Variants in RAD50 observed in about 807,000 individuals in gnomAD.
RAD50 encodes the protein DNA repair protein RAD50.
A neutral mutation model predicts 168.8 loss-of-function variants in RAD50; 132 were observed. The observed-to-expected ratio is 0.78, with a 90% CI of 0.68 to 0.90. The LOEUF (loss-of-function observed/expected upper bound fraction) is 0.90. Ranked by LOEUF, RAD50 falls within the 40% of genes least tolerant of loss-of-function variation. The pLI is 0.00. For synonymous variants in RAD50, 525 were observed against 497.4 expected (o/e 1.06, Z -0.74); for missense variants, 1,347 against 1,534.4 (o/e 0.88, Z 2.04).
At chr5:132,617,174 A>C (rs1220118099) in intron 20 of RAD50, among the ~76,000 whole-genome samples, 1 of 152,230 alleles carries the variant, frequency 6.6e-6, no homozygotes, top group Non-Finnish European at 1.5e-5. Context: ...CTCCATGGCA[A>C]GTTGGAAAAG....
In RAD50 at chr5:132,557,390, G is replaced by A; in HGVS notation, c.66G>A (p.Lys22=). ...GTTTTGGAATAGAGGACAAAGATAA[G>A]CAAATTATCACTTTCTTCAGCCCCC... The part of the protein sequence containing the change: ...VRSFGIEDKD[K]QIITFFSPLT... The change falls in exon 1 of 25, where the codon AAG becomes AAA. Residue 22 remains lysine, a synonymous_variant. Transcript: ENST00000378823. 3 of 1,614,112 alleles carry A rather than the reference G, an allele frequency of 1.9e-6. No homozygotes were observed. The highest frequency in any genetic ancestry group is 2.5e-6 in the Non-Finnish European group (3 of 1,179,904).
In RAD50 at chr5:132,643,513, C is replaced by T; in HGVS notation, c.*1149C>T. The T allele has an allele frequency of 4.3e-6, 1 of 232,158 alleles. No homozygotes were observed. Among genetic ancestry groups the T allele is most frequent in the Non-Finnish European group, 8.6e-6 (1 of 116,584 alleles). The allele number at this position is 232,158 out of a possible 1,614,324, so 14.4% of individuals were successfully genotyped here. A position where few individuals can be genotyped will look rare whatever the true frequency, so the allele number is the denominator to read the frequency against. Reference sequence around the variant, plus strand: ...CTGTAGCTATAATGAGCATGTTTGCCTAGACAGCTTTTCTCAACTGGGTCC... The same window carrying T: ...CTGTAGCTATAATGAGCATGTTTGCTTAGACAGCTTTTCTCAACTGGGTCC... On this transcript the variant is annotated 3_prime_UTR_variant, in exon 25 of 25. Transcript: ENST00000378823.
chr5:132,610,872 G>T (rs766754500), intron 19 of RAD50, among the ~76,000 whole-genome samples: 25 of 152,240 alleles, frequency 1.6e-4, no homozygotes, highest in Admixed American at 2.6e-4. Flanking sequence ...TAAAGTGATG[G>T]TCTAAACTTA....
chr5:132,557,171 C>G lies in RAD50; in HGVS notation c.-154C>G, dbSNP rs1419980511. On this transcript the variant is annotated 5_prime_UTR_variant, in exon 1 of 25. Transcript: ENST00000378823. The stretch of plus-strand genomic sequence containing the variant: ...CCCCCTCTCTCCCGCTGTTGGCTGG[C>G]AGGATCTTTTGGCAGTCCTGTGGCC... 5 of 1,026,922 alleles carry G rather than the reference C, an allele frequency of 4.9e-6. No individual in the cohort carries two copies. The highest frequency in any genetic ancestry group is 7.4e-6 in the Non-Finnish European group (5 of 671,716). The allele number at this position is 1,026,922 out of a possible 1,614,324, so 63.6% of individuals were successfully genotyped here. A position where few individuals can be genotyped will look rare whatever the true frequency, so the allele number is the denominator to read the frequency against.
chr5:132,589,830 T>A lies in RAD50; in HGVS notation c.1445T>A (p.Ile482Lys), dbSNP rs760015752. 1 of 1,609,396 alleles carries A rather than the reference T, an allele frequency of 6.2e-7. No homozygotes were observed. Among genetic ancestry groups the A allele is most frequent in the Admixed American group, 1.7e-5 (1 of 60,010 alleles). ...ATTCTTGAACTGGACCAGGAGCTCA[T>A]AAAAGCTGTAAGATATTGTTTGAAT... Reference protein sequence around the residue: ...DRILELDQELIKAERELSKAE... With the variant: ...DRILELDQELKKAERELSKAE... Residue 482 changes from isoleucine (I) to lysine (K), a missense_variant, in exon 9 of 25, where the codon ATA becomes AAA. Physicochemically the swap from Ile to Lys is moderately radical, Grantham distance 102. This residue lies in a region of RAD50 where 703 missense variants were observed against 767.7 expected (regional missense o/e 0.92). Transcript: ENST00000378823.
intron 11 of RAD50, chr5:132,593,097 C>T (rs180824115): frequency 2.3e-5 from 6 of 263,510 alleles, no homozygotes; most frequent in Admixed American, 4.1e-5. Context: ...TCTTTAATAT[C>T]GTCTCATCCC....
At chr5:132,638,578 G>GA (rs755146055) in intron 23 of RAD50, among the ~76,000 whole-genome samples, 2 of 152,182 alleles carry the variant, frequency 1.3e-5, no homozygotes, top group Non-Finnish European at 2.9e-5. Context: ...CAGCAGGAAT[G>GA]AAAAAATGCA....
intron 21 of RAD50, among the ~76,000 whole-genome samples, chr5:132,635,061 C>T (rs1391847734): frequency 6.6e-6 from 1 of 152,134 alleles, no homozygotes; most frequent in African/African-American, 2.4e-5. Context: ...GATTTGATAA[C>T]ATTCCCTCAT....
chr5:132,565,486 C>A (rs898232710), intron 2 of RAD50, among the ~76,000 whole-genome samples: 2 of 152,180 alleles, frequency 1.3e-5, no homozygotes, highest in African/African-American at 4.8e-5. Flanking sequence ...TTCTGACTCC[C>A]TCATGGGATG....
At chr5:132,639,353 CAAAAAA>C (rs980327824) in intron 23 of RAD50, among the ~76,000 whole-genome samples, 1 of 82,668 alleles carries the variant, frequency 1.2e-5, no homozygotes, top group Non-Finnish European at 2.5e-5. Flanking sequence ...AACTCCGTCT[CAAAAAA>C]AAAAAAAAAA....
At position 132,642,444 on chromosome 5, in the gene RAD50, T is replaced by TAGTC. The variant is rs1178019833; in HGVS notation, c.*82_*85dup. The stretch of plus-strand genomic sequence containing the variant: ...AAGAAACTTATTTCTCATATCAACT[T>TAGTC]AGTCAATAAGAAAATATATTCTTTC... On this transcript the variant is annotated 3_prime_UTR_variant, in exon 25 of 25. Transcript: ENST00000378823. 7.9e-7 allele frequency: 1 copy of TAGTC among 1,258,420 alleles called. No homozygotes were observed. The highest frequency in any genetic ancestry group is 1.5e-5 in the African/African-American group (1 of 65,740). The allele number at this position is 1,258,420 out of a possible 1,614,324, so 78.0% of individuals were successfully genotyped here.
intron 21 of RAD50, among the ~76,000 whole-genome samples, chr5:132,624,502 T>C (rs569159189): frequency 1.3e-5 from 2 of 152,330 alleles, no homozygotes; most frequent in South Asian, 2.1e-4. Flanking sequence ...AATAGACTTA[T>C]CAAACATTCA....
intron 13 of RAD50, among the ~76,000 whole-genome samples, chr5:132,603,035 T>A (rs1157010062): frequency 6.6e-6 from 1 of 152,178 alleles, no homozygotes; most frequent in East Asian, 1.9e-4. Context: ...TCTCAACATT[T>A]CTCTCCTAAG....
chr5:132,617,952 A>G (rs1751205559), intron 20 of RAD50, 118 bp from the exon 21 acceptor site: 1 of 880,604 alleles, frequency 1.1e-6, no homozygotes. Flanking sequence ...CTCTGTTATA[A>G]TATACTGATT....
At chr5:132,633,738 G>T (rs886566185) in intron 21 of RAD50, among the ~76,000 whole-genome samples, 2 of 151,844 alleles carry the variant, frequency 1.3e-5, no homozygotes, top group Non-Finnish European at 2.9e-5. Context: ...ACCACACCCA[G>T]CTAATTTTTA....
chr5:132,610,842 T>C (rs1751071475), intron 19 of RAD50, among the ~76,000 whole-genome samples: 2 of 152,230 alleles, frequency 1.3e-5, no homozygotes, highest in Non-Finnish European at 2.9e-5. Context: ...TTGTTAAGAT[T>C]AATGATCTAT....
chr5:132,573,669 T>G (rs1235396506), intron 2 of RAD50, among the ~76,000 whole-genome samples: 3 of 152,200 alleles, frequency 2.0e-5, no homozygotes, highest in African/African-American at 7.2e-5. Context: ...TTACCCAAGA[T>G]AAGGCAAGTC....
intron 21 of RAD50, among the ~76,000 whole-genome samples, chr5:132,620,045 C>G (rs1291058775): frequency 6.6e-6 from 1 of 151,042 alleles, no homozygotes; most frequent in Non-Finnish European, 1.5e-5. Context: ...GCTGGGACTA[C>G]AGGCGCCCGC....
At chr5:132,639,482 G>C (rs1440665948) in intron 23 of RAD50, among the ~76,000 whole-genome samples, 1 of 152,082 alleles carries the variant, frequency 6.6e-6, no homozygotes, top group African/African-American at 2.4e-5. Context: ...ACAAACTTGT[G>C]ATCTGTAATC....
Sources: allele counts gnomAD v4.1 joint callset (sites outside exome capture counted in the v4.1 genomes callset), GRCh38; gene constraint gnomAD v4.1.1; regional missense constraint gnomAD v4.1.1; transcripts MANE v1.5; gene names NCBI Gene and HGNC (gene_info 2026-07-23, HGNC 2026-07-21).